MBOAT2: variants seen among roughly 807,000 people sequenced by gnomAD.
MBOAT2 encodes the protein membrane-bound glycerophospholipid O-acyltransferase 2.
Under a neutral mutation model 63.4 loss-of-function variants are expected in MBOAT2, and 28 were observed. That is an observed-to-expected ratio of 0.44 (90% CI 0.33 to 0.61). MBOAT2 has a LOEUF of 0.61. MBOAT2 is among the 20% of genes least tolerant of loss of function. The pLI, the probability that MBOAT2 is intolerant of heterozygous loss-of-function variation, is 0.03. For missense variants in MBOAT2, 470 were observed against 605.8 expected (o/e 0.78, Z 2.35); for synonymous variants, 211 against 215.6 (o/e 0.98, Z 0.19).
intron 2 of MBOAT2, among the ~76,000 whole-genome samples, chr2:8,944,981 T>G (rs953359534): frequency 2.6e-5 from 4 of 152,030 alleles, no homozygotes; most frequent in African/African-American, 9.7e-5. Context: ...TGAGGACTCT[T>G]GGGGGAAAAA....
At chr2:8,957,863 ATTTG>A (rs1441537564) in intron 2 of MBOAT2, among the ~76,000 whole-genome samples, 2 of 152,140 alleles carry the variant, frequency 1.3e-5, no homozygotes, top group Non-Finnish European at 2.9e-5. Context: ...CACAGCTAAC[ATTTG>A]TTTGTTACTT....
At chr2:8,985,624 C>A (rs1476001501) in intron 1 of MBOAT2, among the ~76,000 whole-genome samples, 1 of 152,162 alleles carries the variant, frequency 6.6e-6, no homozygotes, top group African/African-American at 2.4e-5. Flanking sequence ...AGGCCAAAAA[C>A]TTAGGAAGCG....
chr2:8,872,815 T>G (rs926591749), intron 8 of MBOAT2, among the ~76,000 whole-genome samples: 1 of 152,262 alleles, frequency 6.6e-6, no homozygotes, highest in Non-Finnish European at 1.5e-5. Flanking sequence ...CTATGTCTTA[T>G]ACATACTCGT....
intron 1 of MBOAT2, among the ~76,000 whole-genome samples, chr2:8,972,177 C>T (rs1670504197): frequency 2.0e-5 from 3 of 152,070 alleles, no homozygotes; most frequent in South Asian, 4.1e-4. Context: ...GAGATATAGA[C>T]CAATGGAACA....
chr2:8,963,568 G>A (rs1025714318), intron 1 of MBOAT2, among the ~76,000 whole-genome samples: 4 of 152,122 alleles, frequency 2.6e-5, no homozygotes, highest in Admixed American at 2.6e-4. Flanking sequence ...CTCCCAAAGT[G>A]CTGGGATTAT....
chr2:8,964,098 C>T (rs1669822574), intron 1 of MBOAT2, among the ~76,000 whole-genome samples: 1 of 152,162 alleles, frequency 6.6e-6, no homozygotes, highest in African/African-American at 2.4e-5. Flanking sequence ...TGAAATATTC[C>T]AGTATTTCTA....
chr2:8,931,498 G>A (rs1386255178), intron 3 of MBOAT2, among the ~76,000 whole-genome samples: 1 of 152,114 alleles, frequency 6.6e-6, no homozygotes, highest in Non-Finnish European at 1.5e-5. Context: ...ACCTTTGTCA[G>A]ATGGTTAGAT....
chr2:8,944,573 T>C (rs1375937363), intron 2 of MBOAT2, among the ~76,000 whole-genome samples: 2 of 151,872 alleles, frequency 1.3e-5, no homozygotes, highest in East Asian at 3.9e-4. Context: ...AAACCAGTAA[T>C]AGTCTCCAAG....
Position 8,868,491 on chromosome 2 carries a change from T to C in MBOAT2, c.942A>G (p.Ala314=), listed in dbSNP as rs1396581222. ...AATTGGAAATTAAGTCCCAGCGAGC[T>C]GCTCCATTTTCGTCATACCCTCTGA... ...FGFRGYDENG[A]ARWDLISNLR... The change falls in exon 9 of 13, where the codon GCA becomes GCG. Residue 314 remains alanine (A), a synonymous_variant. Transcript: ENST00000305997. The C allele has an allele frequency of 1.2e-6, 2 of 1,614,012 alleles. No individual in the cohort carries two copies. Among genetic ancestry groups the C allele is most frequent in the African/African-American group, 1.3e-5 (1 of 74,938 alleles).
rs1229142996 is a variant in MBOAT2, at chr2:8,934,367, T to C, written c.299+8820A>G. On this transcript the variant is annotated intron_variant, in intron 3 of 12. Transcript: ENST00000305997. ...CATAATGGTTACTGCTTAGAAATAA[T>C]AACAAAAAGCCCTGGGTGGAATGGG... Among the ~76,000 whole-genome samples, 6 of 152,192 alleles carry C rather than the reference T, an allele frequency of 3.9e-5. No homozygotes were observed. In the East Asian group the frequency reaches 1.2e-3, roughly 29 times the overall value.
intron 1 of MBOAT2, among the ~76,000 whole-genome samples, chr2:8,958,952 C>CAAAAACAAAAA (rs1669422426): frequency 6.6e-6 from 1 of 152,072 alleles, no homozygotes; most frequent in African/African-American, 2.4e-5. Flanking sequence ...AACAAAAAGC[C>CAAAAACAAAAA]CAGGGCACCT....
intron 1 of MBOAT2, among the ~76,000 whole-genome samples, chr2:8,999,664 T>G (rs1473592225): frequency 2.6e-5 from 4 of 152,150 alleles, no homozygotes; most frequent in Non-Finnish European, 4.4e-5. Flanking sequence ...GCACAGCTCT[T>G]TCTCAGTCCA....
chr2:8,996,256 T>C (rs1279648542), intron 1 of MBOAT2, among the ~76,000 whole-genome samples: 1 of 152,190 alleles, frequency 6.6e-6, no homozygotes, highest in Non-Finnish European at 1.5e-5. Context: ...TATAGTGGTT[T>C]TAAAAGTGAA....
Position 8,862,747 on chromosome 2 carries a change from A to G in MBOAT2, c.1053-25T>C. 1 of 1,598,516 alleles carries G rather than the reference A, an allele frequency of 6.3e-7. No individual in the cohort carries two copies. Among genetic ancestry groups the G allele is most frequent in the Non-Finnish European group, 8.5e-7 (1 of 1,174,552 alleles). ...CCTAGAAACCATGAAAAACATGGAG[A>G]GCCAAGTGGAGTGAGTGACCCGAGT... On this transcript the variant is annotated intron_variant, in intron 10 of 12. Coordinates refer to ENST00000305997, the MANE Select transcript of MBOAT2 (RefSeq NM_138799.4). This position sits in a 1 kb window ranked among gnomAD's most constrained non-coding sequence, Gnocchi z 4.3.
At chr2:8,901,764 C>T (rs564022574) in intron 4 of MBOAT2, among the ~76,000 whole-genome samples, 19 of 152,180 alleles carry the variant, frequency 1.2e-4, no homozygotes, top group Admixed American at 2.6e-4. Context: ...TTGGTGAGCC[C>T]GGGTGCCTAA....
intron 6 of MBOAT2, 113 bp from the exon 7 acceptor site, chr2:8,877,326 T>G (rs1662769423): frequency 9.9e-7 from 1 of 1,011,826 alleles, no homozygotes; most frequent in East Asian, 2.6e-5. Flanking sequence ...AGCTTTCATT[T>G]TCATTTGTAC....
At chr2:8,968,126 C>T (rs1670138108) in intron 1 of MBOAT2, among the ~76,000 whole-genome samples, 1 of 152,036 alleles carries the variant, frequency 6.6e-6, no homozygotes, top group Admixed American at 6.6e-5. Context: ...GGGAGGCACC[C>T]CCCAGTAGGG....
chr2:8,855,826 G>A lies in MBOAT2; in HGVS notation c.*2853C>T, dbSNP rs1219531810. ...AATTAACCAAAAGTATAAATATGAT[G>A]TTGATTGATCATCTCTAGAGTGATT... On this transcript the variant is annotated 3_prime_UTR_variant, in exon 13 of 13. Coordinates refer to ENST00000305997, the MANE Select transcript of MBOAT2 (RefSeq NM_138799.4). The A allele has an allele frequency of 1.3e-5, 2 of 152,054 alleles. No homozygotes were observed. Among genetic ancestry groups the A allele is most frequent in the Non-Finnish European group, 2.9e-5 (2 of 68,016 alleles). The allele number at this position is 152,054 out of a possible 1,614,324, so 9.4% of individuals were successfully genotyped here.
intron 3 of MBOAT2, among the ~76,000 whole-genome samples, chr2:8,912,392 AAAGAAAG>A (rs1665847446): frequency 6.8e-6 from 1 of 148,082 alleles, no homozygotes; most frequent in East Asian, 1.9e-4. Flanking sequence ...AGAAAGAAAG[AAAGAAAG>A]AAAGAAAGAA....
Sources: allele counts gnomAD v4.1 joint callset (sites outside exome capture counted in the v4.1 genomes callset), GRCh38; gene constraint gnomAD v4.1.1; non-coding constraint Gnocchi (gnomAD v3.1); transcripts MANE v1.5; gene names NCBI Gene and HGNC (gene_info 2026-07-23, HGNC 2026-07-21).